SDK2: variants seen among roughly 807,000 people sequenced by gnomAD.
The protein encoded by SDK2 is sidekick cell adhesion molecule 2.
SDK2 carries 105 observed loss-of-function variants against 253.9 expected under a neutral mutation model. That is an observed-to-expected ratio of 0.41 (90% CI 0.35 to 0.49). The LOEUF is 0.49. Ranked by LOEUF, SDK2 falls within the 20% of genes least tolerant of loss-of-function variation. The pLI is 0.06. For synonymous variants in SDK2, 1,249 were observed against 1,234.9 expected (o/e 1.01, Z -0.24); for missense variants, 2,608 against 3,003.0 (o/e 0.87, Z 3.07).
At chr17:73,358,506 G>T (rs1257830384) in intron 39 of SDK2, among the ~76,000 whole-genome samples, 3 of 152,190 alleles carry the variant, frequency 2.0e-5, no homozygotes, top group African/African-American at 7.2e-5. Flanking sequence ...CCCAGAACGT[G>T]TTAGATGGGT....
intron 1 of SDK2, among the ~76,000 whole-genome samples, chr17:73,509,171 C>T (rs1477569787): frequency 1.3e-5 from 2 of 152,206 alleles, no homozygotes; most frequent in South Asian, 2.1e-4. Context: ...CGCTTCCCAG[C>T]GGCGTGCGGT....
chr17:73,360,418 T>C (rs4969111), intron 39 of SDK2, among the ~76,000 whole-genome samples: 114,914 of 152,106 alleles, frequency 0.76, 43,705 homozygotes, highest in East Asian at 0.98. Context: ...GCCTGCGCCA[T>C]TCTTGGCTGA....
chr17:73,545,126 C>CA (rs1345456574), intron 1 of SDK2, among the ~76,000 whole-genome samples: 2 of 151,134 alleles, frequency 1.3e-5, no homozygotes, highest in Admixed American at 1.3e-4. Flanking sequence ...CACACACACA[C>CA]AAAGTGGAGG....
At chr17:73,596,267 A>T (rs1419253463) in intron 1 of SDK2, among the ~76,000 whole-genome samples, 1 of 152,102 alleles carries the variant, frequency 6.6e-6, no homozygotes, top group African/African-American at 2.4e-5. Flanking sequence ...GAGAGAAGGC[A>T]GCCTGGCATA....
At chr17:73,377,442 C>T (rs1170223663) in intron 36 of SDK2, among the ~76,000 whole-genome samples, 2 of 151,710 alleles carry the variant, frequency 1.3e-5, no homozygotes, top group African/African-American at 2.4e-5. Flanking sequence ...TGGTCTCGAT[C>T]TCCTGACCTC....
At position 73,338,709 on chromosome 17, in the gene SDK2, G is replaced by T. The variant is rs545589945; in HGVS notation, c.6397C>A (p.Arg2133=). ...GGGGGGTTCTGGGGCGTTGGAGTCC[G>T]ACTGGCCTTGGGCCGAAAGAGGCTG... The part of the protein sequence containing the change: ...QGSLFRPKAS[R]TPTPQNPPNP... The change falls in exon 45 of 45, where the codon CGG becomes AGG. Residue 2133 remains arginine (R), a synonymous_variant. Transcript: ENST00000392650. This position sits in a 1 kb window ranked among gnomAD's most constrained non-coding sequence, Gnocchi z 5.0. 4.3e-6 allele frequency: 7 copies of T among 1,610,646 alleles called. No homozygotes were observed. The highest frequency in any genetic ancestry group is 5.9e-6 in the Non-Finnish European group (7 of 1,178,054).
chr17:73,514,766 T>C (rs146564254), intron 1 of SDK2, among the ~76,000 whole-genome samples: 1 of 152,304 alleles, frequency 6.6e-6, no homozygotes, highest in East Asian at 1.9e-4. Context: ...CCTGGAATGC[T>C]TGGAAACAGG....
At position 73,644,089 on chromosome 17, in the gene SDK2, G is replaced by A. The variant is rs2046432853; in HGVS notation, c.-1C>T. On this transcript the variant is annotated 5_prime_UTR_variant, in exon 1 of 45. Coordinates refer to ENST00000392650, the MANE Select transcript of SDK2 (RefSeq NM_001144952.2). The surrounding 1 kb of genome is among the most constrained non-coding windows in gnomAD (Gnocchi z 6.3). The stretch of plus-strand genomic sequence containing the variant: ...GTGTCCAGATCAAAAGCCCCCACAT[G>A]GTGACCAGCCTGGAGAGGGGTCCTC... 1.3e-6 allele frequency: 2 copies of A among 1,550,944 alleles called. No individual in the cohort carries two copies. Among genetic ancestry groups the A allele is most frequent in the Non-Finnish European group, 1.7e-6 (2 of 1,146,628 alleles).
intron 1 of SDK2, among the ~76,000 whole-genome samples, chr17:73,524,888 G>A (rs2064112977): frequency 1.3e-5 from 2 of 152,266 alleles, no homozygotes; most frequent in Non-Finnish European, 2.9e-5. Context: ...CAATCATGCA[G>A]ACGTTTCAGG....
chr17:73,434,877 C>A (rs931023738), intron 9 of SDK2, among the ~76,000 whole-genome samples: 1 of 152,178 alleles, frequency 6.6e-6, no homozygotes, highest in South Asian at 2.1e-4. Flanking sequence ...TGATCCACCC[C>A]CCTCGACCTC....
In SDK2 at chr17:73,597,792, C is replaced by T. The variant is rs558362206; in HGVS notation, c.64+46233G>A. Reference sequence around the variant, plus strand: ...TCCCAAGTAGCTGAGACTACAGGCACCCGCCACCACGCCCGGGTAATTTTT... The same window carrying T: ...TCCCAAGTAGCTGAGACTACAGGCATCCGCCACCACGCCCGGGTAATTTTT... On this transcript the variant is annotated intron_variant, in intron 1 of 44. Coordinates refer to ENST00000392650, the MANE Select transcript of SDK2 (RefSeq NM_001144952.2). 1.5e-3 allele frequency among the ~76,000 whole-genome samples: 230 copies of T among 152,086 alleles called. 2 individuals carry two copies. The highest frequency in any genetic ancestry group is 5.2e-3 in the African/African-American group (217 of 41,494).
intron 1 of SDK2, among the ~76,000 whole-genome samples, chr17:73,554,009 C>T (rs901023252): frequency 1.3e-5 from 2 of 152,116 alleles, no homozygotes; most frequent in African/African-American, 4.8e-5. Context: ...GAGCTGGGGC[C>T]CTGAGGCTCA....
chr17:73,619,391 T>A (rs942117956), intron 1 of SDK2, among the ~76,000 whole-genome samples: 2 of 152,106 alleles, frequency 1.3e-5, no homozygotes, highest in African/African-American at 4.8e-5. Flanking sequence ...GGTACTACCA[T>A]AAGGACAGAC....
At chr17:73,583,189 T>G (rs2045559387) in intron 1 of SDK2, among the ~76,000 whole-genome samples, 1 of 152,194 alleles carries the variant, frequency 6.6e-6, no homozygotes, top group Admixed American at 6.5e-5. Context: ...GTAATGAAAG[T>G]TTTTAATCGA....
rs1230303804 is a variant in SDK2 at position 73,513,392 on chromosome 17, A to C, written c.65-5795T>G. Among the ~76,000 whole-genome samples the C allele has an allele frequency of 2.0e-5, 3 of 152,214 alleles. No homozygotes were observed. In the South Asian group the frequency reaches 6.2e-4, roughly 32 times the overall value. ...TCATGATAAGAAAAAGGAAAACTAA[A>C]ATTCAATAAGATACCATTTTTTCCC... On this transcript the variant is annotated intron_variant, in intron 1 of 44. Transcript: ENST00000392650.
At chr17:73,514,356 T>C (rs1159917967) in intron 1 of SDK2, among the ~76,000 whole-genome samples, 1 of 152,186 alleles carries the variant, frequency 6.6e-6, no homozygotes, top group East Asian at 1.9e-4. Flanking sequence ...AATACCCCCA[T>C]TGTCCTCCCT....
intron 1 of SDK2, among the ~76,000 whole-genome samples, chr17:73,588,170 CGAGACCAGCCTGACCAACATGGA>C (rs1567858463): frequency 6.7e-6 from 1 of 150,112 alleles, no homozygotes; most frequent in African/African-American, 2.5e-5. Context: ...GTCAGGAGTT[CGAGACCAGCCTGACCAACATGGA>C]GAGACCCCCC....
In SDK2 at chr17:73,432,981, G is replaced by A. The variant is rs185473748; in HGVS notation, c.1312+751C>T. On this transcript the variant is annotated intron_variant, in intron 10 of 44. Transcript: ENST00000392650. ...TAGGGAGGTGGCTTGGGCTTTGCTG[G>A]TTCCGCCATCTGGAGCCCTCTGAGC... Among the ~76,000 whole-genome samples, 19 of 152,204 alleles carry A rather than the reference G, an allele frequency of 1.2e-4. No homozygotes were observed. The East Asian group carries it at 3.7e-3, about 29-fold the overall frequency.
chr17:73,442,521 A>G (rs190719726), intron 5 of SDK2, among the ~76,000 whole-genome samples: 33 of 152,236 alleles, frequency 2.2e-4, no homozygotes, highest in African/African-American at 7.2e-4. Context: ...TTGTATTTTT[A>G]GTAGAGACGG....
Sources: gnomAD v4.1 joint callset for allele counts (sites outside exome capture counted in the v4.1 genomes callset) on GRCh38, gnomAD v4.1.1 for gene constraint, Gnocchi (gnomAD v3.1) non-coding constraint, MANE v1.5 for transcripts, NCBI Gene and HGNC (gene_info 2026-07-23, HGNC 2026-07-21) for gene names.